Variants in CSMD1 observed in about 807,000 individuals in gnomAD.
CSMD1 encodes CUB and sushi domain-containing protein 1.
CSMD1 carries 213 observed loss-of-function variants against 417.5 expected under a neutral mutation model. That is an observed-to-expected ratio of 0.51 (90% confidence interval 0.46 to 0.57). The LOEUF is 0.57. Among genes scored for constraint, CSMD1 ranks in the 20% least tolerant of loss-of-function variants. CSMD1 has a pLI of 0.00. For missense variants in CSMD1, 6,923 were observed against 4,529.7 expected, an observed-to-expected ratio of 1.53 and a Z score of -15.17; for synonymous variants, 2,862 against 1,736.8, an observed-to-expected ratio of 1.65 and a Z score of -16.11.
chr8:4,271,082 A>G (rs920192462), intron 3 of CSMD1, among the ~76,000 whole-genome samples: 4 of 152,186 alleles, frequency 2.6e-5, no homozygotes, highest in African/African-American at 9.6e-5. Flanking sequence ...CAGAATGTTG[A>G]AGCTTTCAAA....
intron 3 of CSMD1, among the ~76,000 whole-genome samples, chr8:4,170,390 C>T (rs1797704740): frequency 6.6e-6 from 1 of 151,866 alleles, no homozygotes; most frequent in African/African-American, 2.4e-5. Flanking sequence ...ATTCAAGAGC[C>T]ACCTGTGAAA....
intron 3 of CSMD1, among the ~76,000 whole-genome samples, chr8:4,164,908 T>A (rs1056179865): frequency 6.6e-6 from 1 of 151,408 alleles, no homozygotes; most frequent in Non-Finnish European, 1.5e-5. Flanking sequence ...TATATGTATA[T>A]ATATAGTTTG....
chr8:4,460,088 C>G (rs1335359411), intron 2 of CSMD1, among the ~76,000 whole-genome samples: 2 of 152,128 alleles, frequency 1.3e-5, no homozygotes, highest in East Asian at 3.9e-4. Flanking sequence ...ATGAAACATT[C>G]TCCACAACAG....
chr8:4,784,322 G>A (rs182175741), intron 1 of CSMD1, among the ~76,000 whole-genome samples: 48 of 152,308 alleles, frequency 3.2e-4, no homozygotes, highest in Admixed American at 7.2e-4. Context: ...ATAGAAAAGC[G>A]TGTAGCATTC....
chr8:3,185,910 CAG>C (rs1821725743), intron 36 of CSMD1, among the ~76,000 whole-genome samples: 1 of 152,166 alleles, frequency 6.6e-6, no homozygotes. Flanking sequence ...GAAACAGACA[CAG>C]ACTGCATGGC....
chr8:2,985,063 T>G (rs966572128), intron 54 of CSMD1, among the ~76,000 whole-genome samples: 21 of 152,248 alleles, frequency 1.4e-4, no homozygotes, highest in African/African-American at 4.8e-4. Context: ...AAAACCATTA[T>G]TTTAAGACCA....
rs1046283327 is a variant in CSMD1, at chr8:3,273,326, C to T, written c.4153+10818G>A. On this transcript the variant is annotated intron_variant, in intron 26 of 69. Transcript: ENST00000635120. ...AAGCTTTTTGATGTGCTGCTGGATT[C>T]GGTTTGCCAGTATTTTATTGAGGAT... 1.9e-4 allele frequency among the ~76,000 whole-genome samples: 29 copies of T among 152,094 alleles called. 1 individual carries two copies. In the East Asian group the frequency reaches 2.7e-3, roughly 14 times the overall value.
intron 2 of CSMD1, among the ~76,000 whole-genome samples, chr8:4,584,563 C>T (rs1439720631): frequency 2.6e-5 from 4 of 152,104 alleles, no homozygotes; most frequent in South Asian, 2.1e-4. Context: ...AACCAGCTTC[C>T]GCTTTTCCTG....
intron 1 of CSMD1, among the ~76,000 whole-genome samples, chr8:4,927,136 C>T (rs1280635526): frequency 6.7e-6 from 1 of 148,850 alleles, no homozygotes; most frequent in East Asian, 2.0e-4. Flanking sequence ...GATAGACACT[C>T]ACTCTGTTGC....
chr8:4,457,186 T>C (rs755862808), intron 2 of CSMD1, among the ~76,000 whole-genome samples: 4 of 152,108 alleles, frequency 2.6e-5, no homozygotes, highest in Non-Finnish European at 5.9e-5. Context: ...ATGTGAAATG[T>C]GTCCTGTTAA....
At chr8:3,323,097 A>G (rs553290986) in intron 23 of CSMD1, among the ~76,000 whole-genome samples, 2 of 152,272 alleles carry the variant, frequency 1.3e-5, no homozygotes, top group Admixed American at 1.3e-4. Context: ...TCTGTCATTT[A>G]TCTTTCCACC....
At chr8:4,449,593 G>A (rs986044986) in intron 2 of CSMD1, among the ~76,000 whole-genome samples, 3 of 152,132 alleles carry the variant, frequency 2.0e-5, no homozygotes, top group Non-Finnish European at 4.4e-5. Flanking sequence ...CCATAATAGA[G>A]ATAATCAATA....
chr8:4,147,882 G>T (rs1021816959), intron 3 of CSMD1, among the ~76,000 whole-genome samples: 6 of 152,120 alleles, frequency 3.9e-5, no homozygotes, highest in African/African-American at 1.2e-4. Context: ...GGAATCAGGG[G>T]CTGCATGTGA....
chr8:3,832,726 C>A (rs1328622904), intron 5 of CSMD1, among the ~76,000 whole-genome samples: 1 of 152,148 alleles, frequency 6.6e-6, no homozygotes, highest in African/African-American at 2.4e-5. Context: ...ATAGGACTTA[C>A]ACCATGATGA....
At chr8:3,849,500 G>A (rs77777162) in intron 5 of CSMD1, among the ~76,000 whole-genome samples, 1 of 152,160 alleles carries the variant, frequency 6.6e-6, no homozygotes, top group Non-Finnish European at 1.5e-5. Flanking sequence ...TCAAATAAAT[G>A]AGTAAATGAG....
chr8:3,904,282 C>A (rs1322437509), intron 5 of CSMD1, among the ~76,000 whole-genome samples: 1 of 152,170 alleles, frequency 6.6e-6, no homozygotes, highest in African/African-American at 2.4e-5. Context: ...ATCATAGGTT[C>A]TTCCTGGAGG....
intron 8 of CSMD1, among the ~76,000 whole-genome samples, chr8:3,604,286 G>C (rs966868446): frequency 6.6e-6 from 1 of 152,146 alleles, no homozygotes; most frequent in Non-Finnish European, 1.5e-5. Flanking sequence ...AAAGGCCAGA[G>C]GGAGGGAGGC....
intron 6 of CSMD1, among the ~76,000 whole-genome samples, chr8:3,717,979 T>G (rs1801938758): frequency 6.6e-6 from 1 of 152,168 alleles, no homozygotes; most frequent in Non-Finnish European, 1.5e-5. Flanking sequence ...TAGGACCAGT[T>G]TACTTCACCT....
At chr8:3,731,179 G>C (rs1045380042) in intron 6 of CSMD1, among the ~76,000 whole-genome samples, 1 of 152,062 alleles carries the variant, frequency 6.6e-6, no homozygotes, top group Non-Finnish European at 1.5e-5. Context: ...TCATTCCAAA[G>C]TAAAACCTCT....
Sources: gnomAD v4.1 joint callset for allele counts (sites outside exome capture counted in the v4.1 genomes callset) on GRCh38, gnomAD v4.1.1 for gene constraint, MANE v1.5 for transcripts, NCBI Gene and HGNC (gene_info 2026-07-23, HGNC 2026-07-21) for gene names.